Variants in ZFYVE16 observed in about 807,000 individuals in gnomAD.
ZFYVE16 encodes zinc finger FYVE domain-containing protein 16.
Under a neutral mutation model 138.1 loss-of-function variants are expected in ZFYVE16, and 89 were observed. The ratio of observed to expected loss-of-function variants is 0.64; its 90% CI spans 0.54 to 0.77. The LOEUF is 0.77. Ranked by LOEUF, ZFYVE16 falls within the 30% of genes least tolerant of loss-of-function variation. The pLI is 0.00. For synonymous variants in ZFYVE16, 596 were observed against 618.3 expected (o/e 0.96, Z 0.53); for missense variants, 1,793 against 1,786.7 (o/e 1.00, Z -0.06).
Position 80,481,638 on chromosome 5 carries a change from T to C in ZFYVE16, c.*4261T>C, listed in dbSNP as rs141265409. ...ACAAAACAAAACAAAAACATTCTTA[T>C]GAAGATTTAAACAGGATAGAGAATA... On this transcript the variant is annotated 3_prime_UTR_variant, in exon 19 of 19. Transcript: ENST00000505560. Among the ~76,000 whole-genome samples, 228 of 152,238 alleles carry C rather than the reference T, an allele frequency of 1.5e-3. 3 individuals are homozygous for C. In the South Asian group the frequency reaches 0.025, roughly 17 times the overall value.
At position 80,478,834 on chromosome 5, in the gene ZFYVE16, C is replaced by A. The variant is rs1755133994; in HGVS notation, c.*1457C>A. On this transcript the variant is annotated 3_prime_UTR_variant, in exon 19 of 19. Transcript: ENST00000505560. ...AGACAATTTGGAGGAGAATATCAGCCTTCTGGAAGTAGCTACTTCCTGAAC... is the reference window on the plus strand; with the variant it reads ...AGACAATTTGGAGGAGAATATCAGCATTCTGGAAGTAGCTACTTCCTGAAC... The A allele has an allele frequency of 6.6e-6, 1 of 152,032 alleles. No individual in the cohort carries two copies. The highest frequency in any genetic ancestry group is 2.1e-4 in the South Asian group (1 of 4,834). The allele number at this position is 152,032 out of a possible 1,614,324, so 9.4% of individuals were successfully genotyped here. A position where few individuals can be genotyped will look rare whatever the true frequency, so the allele number is the denominator to read the frequency against.
intron 1 of ZFYVE16, among the ~76,000 whole-genome samples, chr5:80,412,182 G>A (rs1054565231): frequency 2.6e-5 from 4 of 151,970 alleles, no homozygotes; most frequent in African/African-American, 4.8e-5. Context: ...ACCATTTTAG[G>A]TGTCTCCTTA....
In ZFYVE16 at chr5:80,439,023, C is replaced by G; in HGVS notation, c.2322+16C>G. On this transcript the variant is annotated intron_variant, in intron 4 of 18. Coordinates refer to ENST00000505560, the MANE Select transcript of ZFYVE16 (RefSeq NM_001284236.3). ...ATGTGGGAAAGTAAGTTATAAAAAT[C>G]TTTTAAGTCTTTTGTTCTTTTGAGA... 1.3e-6 allele frequency: 2 copies of G among 1,585,232 alleles called. No individual in the cohort carries two copies. The highest frequency in any genetic ancestry group is 1.4e-5 in the African/African-American group (1 of 73,380).
At position 80,479,275 on chromosome 5, in the gene ZFYVE16, T is replaced by G. The variant is rs1452838873; in HGVS notation, c.*1898T>G. On this transcript the variant is annotated 3_prime_UTR_variant, in exon 19 of 19. Coordinates refer to ENST00000505560, the MANE Select transcript of ZFYVE16 (RefSeq NM_001284236.3). ...GTACTCAGTCTGCAATGATCTATTTTTGGCTTATGTCTTTTAATACTACTC... is the reference window on the plus strand; with the variant it reads ...GTACTCAGTCTGCAATGATCTATTTGTGGCTTATGTCTTTTAATACTACTC... 1 of 152,250 alleles carries G rather than the reference T, an allele frequency of 6.6e-6. No homozygotes were observed. Among genetic ancestry groups the G allele is most frequent in the Non-Finnish European group, 1.5e-5 (1 of 68,026 alleles). The allele number at this position is 152,250 out of a possible 1,614,324, so 9.4% of individuals were successfully genotyped here.
At chr5:80,417,462 T>C (rs890647492) in intron 1 of ZFYVE16, among the ~76,000 whole-genome samples, 1 of 152,248 alleles carries the variant, frequency 6.6e-6, no homozygotes, top group African/African-American at 2.4e-5. Flanking sequence ...TCACCATTAC[T>C]ACCCTAAAAA....
chr5:80,461,897 A>G (rs249018), intron 15 of ZFYVE16, among the ~76,000 whole-genome samples: 117,652 of 151,558 alleles, frequency 0.78, 48,820 homozygotes, highest in East Asian at 0.92. Flanking sequence ...GTGTGAACCC[A>G]GGAGGTGGAG....
At chr5:80,421,238 C>T (rs533844809) in intron 1 of ZFYVE16, among the ~76,000 whole-genome samples, 6 of 152,232 alleles carry the variant, frequency 3.9e-5, no homozygotes, top group African/African-American at 1.4e-4. Context: ...TTCTCCCATT[C>T]TGTAGGTTGC....
chr5:80,411,235 GC>G (rs1745416926), intron 1 of ZFYVE16, among the ~76,000 whole-genome samples: 2 of 147,534 alleles, frequency 1.4e-5, no homozygotes, highest in Non-Finnish European at 3.0e-5. Flanking sequence ...GCCCACCTCA[GC>G]CTCCCAAAGT....
Position 80,438,806 on chromosome 5 carries a change from T to C in ZFYVE16, c.2121T>C (p.Asp707=). 1 of 1,614,096 alleles carries C rather than the reference T, an allele frequency of 6.2e-7. No homozygotes were observed. The highest frequency in any genetic ancestry group is 1.1e-5 in the South Asian group (1 of 91,082). Residue 707 remains aspartate, a synonymous_variant, in exon 4 of 19, where the codon GAT becomes GAC. Coordinates refer to ENST00000505560, the MANE Select transcript of ZFYVE16 (RefSeq NM_001284236.3). ...PQVSFNSNYI[D]IESNSEGGSS... ...TTAGCTTCAACTCTAATTACATTGA[T>C]ATAGAAAGTAATTCTGAAGGTGGAT...
At position 80,445,250 on chromosome 5, in the gene ZFYVE16, C is replaced by G. The variant is rs954743701; in HGVS notation, c.2582-13C>G. ...ACCAGATTCAAATGTTTTACTTTTT[C>G]AATTGATTCTAGGACTATGTTCCAA... On this transcript the variant is annotated splice_polypyrimidine_tract_variant and intron_variant, in intron 6 of 18. Transcript: ENST00000505560. 1 of 1,601,318 alleles carries G rather than the reference C, an allele frequency of 6.2e-7. No homozygotes were observed. Among genetic ancestry groups the G allele is most frequent in the East Asian group, 2.2e-5 (1 of 44,556 alleles).
intron 15 of ZFYVE16, among the ~76,000 whole-genome samples, chr5:80,470,029 ATGTGTGTATATATATGTGTG>A (rs1434908160): frequency 6.8e-6 from 1 of 147,536 alleles, no homozygotes; most frequent in East Asian, 2.0e-4. Flanking sequence ...ATACATATAT[ATGTGTGTATATATATGTGTG>A]TGTGTGTATA....
At chr5:80,447,877 G>T in intron 7 of ZFYVE16, 149 bp from the exon 8 acceptor site, 1 of 630,218 alleles carries the variant, frequency 1.6e-6, no homozygotes, top group Non-Finnish European at 2.4e-6. Context: ...ACTGTTTCTT[G>T]GGAAATTTGA....
At chr5:80,442,572 A>AC (rs1269099001) in intron 5 of ZFYVE16, among the ~76,000 whole-genome samples, 2 of 152,186 alleles carry the variant, frequency 1.3e-5, no homozygotes, top group African/African-American at 2.4e-5. Flanking sequence ...AGGAATACTT[A>AC]CTTGAAGAAC....
At chr5:80,414,085 AT>A (rs913164678) in intron 1 of ZFYVE16, among the ~76,000 whole-genome samples, 3 of 152,036 alleles carry the variant, frequency 2.0e-5, no homozygotes, top group Non-Finnish European at 4.4e-5. Context: ...TTCTTGTATA[AT>A]TTTTGTTTTT....
intron 12 of ZFYVE16, 117 bp from the exon 13 acceptor site, chr5:80,456,344 T>C: frequency 1.3e-6 from 1 of 793,148 alleles, no homozygotes; most frequent in African/African-American, 1.8e-5. Flanking sequence ...TACAAAGTTT[T>C]TCCTGAGAAT....
At chr5:80,420,434 A>G (rs1011060967) in intron 1 of ZFYVE16, among the ~76,000 whole-genome samples, 15 of 152,160 alleles carry the variant, frequency 9.9e-5, no homozygotes, top group East Asian at 9.7e-4. Context: ...TCCTAATGCT[A>G]TCCCTCCCAC....
chr5:80,438,289 C>T lies in ZFYVE16; in HGVS notation c.1604C>T (p.Ala535Val). Residue 535 changes from alanine (A) to valine (V), a missense_variant, in exon 4 of 19, where the codon GCC becomes GTC. Ala to Val is a moderately conservative substitution (Grantham distance 64). Around this residue, in one of 2 missense-constraint regions of ZFYVE16, gnomAD observed 1,295 missense variants for 1,204.3 expected, o/e 1.08. Coordinates refer to ENST00000505560, the MANE Select transcript of ZFYVE16 (RefSeq NM_001284236.3). ...GPLISDAELD[A>V]FLTEQYLQTT... ...CTAATTAGTGATGCTGAACTTGATGCCTTTCTGACAGAACAGTATCTTCAG... is the reference window on the plus strand; with the variant it reads ...CTAATTAGTGATGCTGAACTTGATGTCTTTCTGACAGAACAGTATCTTCAG... The T allele has an allele frequency of 6.2e-7, 1 of 1,613,998 alleles. No individual in the cohort carries two copies. Among genetic ancestry groups the T allele is most frequent in the Non-Finnish European group, 8.5e-7 (1 of 1,179,962 alleles).
chr5:80,421,393 T>C (rs1289657517), intron 1 of ZFYVE16, among the ~76,000 whole-genome samples: 5 of 152,226 alleles, frequency 3.3e-5, no homozygotes, highest in Non-Finnish European at 5.9e-5. Flanking sequence ...TGAATGGTAT[T>C]GCCTAGGTTT....
intron 6 of ZFYVE16, among the ~76,000 whole-genome samples, chr5:80,444,380 T>C (rs1267286168): frequency 6.6e-6 from 1 of 151,844 alleles, no homozygotes; most frequent in Non-Finnish European, 1.5e-5. Context: ...TTGCAAAAAA[T>C]ATGTATATAT....
Sources: allele counts gnomAD v4.1 joint callset (sites outside exome capture counted in the v4.1 genomes callset), GRCh38; gene constraint gnomAD v4.1.1; regional missense constraint gnomAD v4.1.1; transcripts MANE v1.5; gene names NCBI Gene and HGNC (gene_info 2026-07-23, HGNC 2026-07-21).